SPHKAP: variants seen among roughly 807,000 people sequenced by gnomAD.
The protein encoded by SPHKAP is SPHK1 interactor, AKAP domain containing.
SPHKAP carries 67 observed loss-of-function variants against 137.5 expected under a neutral mutation model. The ratio of observed to expected loss-of-function variants is 0.49; its 90% CI spans 0.40 to 0.60. The LOEUF (loss-of-function observed/expected upper bound fraction) is 0.60. SPHKAP is among the 20% of genes least tolerant of loss of function. SPHKAP has a pLI of 0.00. For synonymous variants in SPHKAP, 813 were observed against 785.3 expected, an observed-to-expected ratio of 1.04 and a Z score of -0.59; for missense variants, 2,097 against 2,069.3, an observed-to-expected ratio of 1.01 and a Z score of -0.26.
chr2:228,055,344 T>G (rs967690582), intron 3 of SPHKAP, among the ~76,000 whole-genome samples: 10 of 152,036 alleles, frequency 6.6e-5, no homozygotes, highest in Non-Finnish European at 1.5e-5. Flanking sequence ...TAAAACTAAA[T>G]GGAAAACAAA....
At chr2:228,059,264 G>A (rs1476758410) in intron 3 of SPHKAP, among the ~76,000 whole-genome samples, 1 of 152,190 alleles carries the variant, frequency 6.6e-6, no homozygotes, top group African/African-American at 2.4e-5. Context: ...ATACCTAGGA[G>A]TGGGATTGCT....
intron 3 of SPHKAP, chr2:228,027,976 A>AG (rs1695121843): frequency 1.0e-6 from 1 of 966,972 alleles, no homozygotes; most frequent in Non-Finnish European, 1.2e-6. Context: ...AAAAAAAAAA[A>AG]GAAAAAAGAA....
chr2:228,008,765 T>C (rs1574739014), intron 7 of SPHKAP, among the ~76,000 whole-genome samples: 1 of 152,316 alleles, frequency 6.6e-6, no homozygotes, highest in Non-Finnish European at 1.5e-5. Context: ...TATATTGCCT[T>C]TGTTTCTTTG....
At chr2:228,094,401 G>A (rs950444219) in intron 3 of SPHKAP, among the ~76,000 whole-genome samples, 1 of 152,142 alleles carries the variant, frequency 6.6e-6, no homozygotes, top group African/African-American at 2.4e-5. Flanking sequence ...CATAGCTCTT[G>A]GGTTCTGCGA....
intron 3 of SPHKAP, among the ~76,000 whole-genome samples, chr2:228,087,746 C>A (rs1010685999): frequency 1.3e-5 from 2 of 151,970 alleles, no homozygotes; most frequent in Non-Finnish European, 2.9e-5. Flanking sequence ...CAGGGATATG[C>A]AACCTGTAAA....
At chr2:228,077,037 G>T (rs984641034) in intron 3 of SPHKAP, among the ~76,000 whole-genome samples, 5 of 152,218 alleles carry the variant, frequency 3.3e-5, no homozygotes, top group Non-Finnish European at 5.9e-5. Flanking sequence ...GTAGGGCTCA[G>T]GTTGTTGCTT....
intron 1 of SPHKAP, among the ~76,000 whole-genome samples, chr2:228,155,985 A>G (rs538084779): frequency 6.6e-6 from 1 of 152,328 alleles, no homozygotes; most frequent in South Asian, 2.1e-4. Context: ...GCTTCTAGGC[A>G]GAGTGGAACT....
chr2:228,179,929 G>A (rs954114912), intron 1 of SPHKAP, among the ~76,000 whole-genome samples: 2 of 152,132 alleles, frequency 1.3e-5, no homozygotes, highest in Admixed American at 6.5e-5. Context: ...AATCTCTGTC[G>A]GAAGATTATT....
intron 3 of SPHKAP, among the ~76,000 whole-genome samples, chr2:228,058,540 C>T (rs947824919): frequency 2.6e-5 from 4 of 152,154 alleles, no homozygotes; most frequent in Admixed American, 2.6e-4. Flanking sequence ...ACCCCGATCC[C>T]GCTGTTAACG....
chr2:228,076,867 T>C (rs138039041), intron 3 of SPHKAP, among the ~76,000 whole-genome samples: 105 of 152,286 alleles, frequency 6.9e-4, no homozygotes, highest in African/African-American at 2.4e-3. Context: ...CTCCAGGGCA[T>C]GTCAGAGACC....
chr2:228,070,733 C>T (rs2106300895), intron 3 of SPHKAP, among the ~76,000 whole-genome samples: 1 of 152,258 alleles, frequency 6.6e-6, no homozygotes, highest in East Asian at 1.9e-4. Context: ...ACAACGATGG[C>T]ATCTTCAGTG....
At position 228,092,136 on chromosome 2, in the gene SPHKAP, TGTACAC is replaced by T. The variant is rs1244929188; in HGVS notation, c.246+16690_246+16695del. 4.9e-4 allele frequency among the ~76,000 whole-genome samples: 66 copies of T among 133,468 alleles called. 1 individual carries two copies. Among genetic ancestry groups the T allele is most frequent in the African/African-American group, 1.7e-3 (58 of 34,752 alleles). The allele number at this position is 133,468 out of a possible 152,430, so 87.6% of individuals were successfully genotyped here. ...ACATATATACATATACGTATATGTG[TGTACAC>T]ATATATACATATACATATATGTGTG... On this transcript the variant is annotated intron_variant, in intron 3 of 11. Coordinates refer to ENST00000392056, the MANE Select transcript of SPHKAP (RefSeq NM_001142644.2).
At position 228,017,948 on chromosome 2, in the gene SPHKAP, A is replaced by G. The variant is rs1694674684; in HGVS notation, c.2906T>C (p.Leu969Pro). 1 of 1,614,002 alleles carries G rather than the reference A, an allele frequency of 6.2e-7. No individual in the cohort carries two copies. The highest frequency in any genetic ancestry group is 1.7e-5 in the Admixed American group (1 of 59,992). ...TCGGCAGGGTACGTTGGGTGTCATC[A>G]GAAACTCACTCCCTCTTTTCCATGC... is the stretch of plus-strand genomic sequence containing the variant. ...FCAWKRGSEF[L>P]MTPNVPCRSL... The change falls in exon 7 of 12, where the codon CTG becomes CCG. Residue 969 changes from leucine (L) to proline (P), a missense_variant. Coordinates refer to ENST00000392056, the MANE Select transcript of SPHKAP (RefSeq NM_001142644.2).
At chr2:228,007,415 T>A (rs1023749202) in intron 7 of SPHKAP, among the ~76,000 whole-genome samples, 1 of 152,146 alleles carries the variant, frequency 6.6e-6, no homozygotes, top group African/African-American at 2.4e-5. Context: ...CACCAGAACA[T>A]GTTCTGTCTA....
intron 3 of SPHKAP, among the ~76,000 whole-genome samples, chr2:228,053,671 A>C (rs1696337929): frequency 6.6e-6 from 1 of 152,188 alleles, no homozygotes; most frequent in South Asian, 2.1e-4. Context: ...AGTCCTGGTT[A>C]TGTGCCTGCT....
At chr2:228,077,605 A>G (rs1312018772) in intron 3 of SPHKAP, among the ~76,000 whole-genome samples, 1 of 152,196 alleles carries the variant, frequency 6.6e-6, no homozygotes, top group African/African-American at 2.4e-5. Flanking sequence ...GTATTTACCC[A>G]GTGGCTGTAC....
chr2:228,046,829 C>T (rs1189303632), intron 3 of SPHKAP, among the ~76,000 whole-genome samples: 3 of 152,116 alleles, frequency 2.0e-5, no homozygotes, highest in Non-Finnish European at 4.4e-5. Context: ...AAAAAGACCC[C>T]CCTCCTTGGG....
At chr2:228,150,809 G>A (rs1185925772) in intron 1 of SPHKAP, among the ~76,000 whole-genome samples, 2 of 151,674 alleles carry the variant, frequency 1.3e-5, no homozygotes, top group East Asian at 3.9e-4. Context: ...GGAGTGCAGT[G>A]GTGCCATCAT....
chr2:228,091,468 G>C (rs1349188778), intron 3 of SPHKAP, among the ~76,000 whole-genome samples: 1 of 152,102 alleles, frequency 6.6e-6, no homozygotes, highest in Non-Finnish European at 1.5e-5. Flanking sequence ...ATAGTCAGCA[G>C]AATAAACAGA....
Sources: gnomAD v4.1 joint callset for allele counts (sites outside exome capture counted in the v4.1 genomes callset) on GRCh38, gnomAD v4.1.1 for gene constraint, MANE v1.5 for transcripts, NCBI Gene and HGNC (gene_info 2026-07-23, HGNC 2026-07-21) for gene names.